Variants in ING4 observed in about 807,000 individuals in gnomAD.
The protein encoded by ING4 is inhibitor of growth protein 4.
In ING4, 28 loss-of-function variants were observed where a neutral mutation model predicts 33.1. That is an observed-to-expected ratio of 0.85 (90% CI 0.63 to 1.16). The LOEUF is 1.16. Among genes scored for constraint, ING4 ranks in the 50% most tolerant of loss-of-function variants. The pLI is 0.00. For synonymous variants in ING4, 87 were observed against 104.4 expected (o/e 0.83, Z 1.02); for missense variants, 247 against 314.7 (o/e 0.78, Z 1.63).
rs866088838 is a variant in ING4 at position 6,663,105 on chromosome 12, G to A, written c.-4C>T. On this transcript the variant is annotated 5_prime_UTR_variant, in exon 1 of 8. Transcript: ENST00000341550. ...CCAAATACATCCCCGCAGCCATCTCGAAGCAAAACAAAGCAACTTCCGATC... is the reference window on the plus strand; with the variant it reads ...CCAAATACATCCCCGCAGCCATCTCAAAGCAAAACAAAGCAACTTCCGATC... 12 of 1,613,936 alleles carry A rather than the reference G, an allele frequency of 7.4e-6. No homozygotes were observed. The highest frequency in any genetic ancestry group is 1.1e-5 in the South Asian group (1 of 91,086).
At chr12:6,662,986 C>G in intron 1 of ING4, 79 bp downstream of exon 1, 1 of 1,473,284 alleles carries the variant, frequency 6.8e-7, no homozygotes, top group Non-Finnish European at 9.4e-7. Context: ...GTCACTGGAA[C>G]TTAAGGGCTA....
chr12:6,660,725 C>T (rs1204539194), intron 1 of ING4, among the ~76,000 whole-genome samples: 2 of 152,224 alleles, frequency 1.3e-5, no homozygotes, highest in Admixed American at 6.5e-5. Context: ...GACTGAGTCA[C>T]TGGTGATTTA....
At chr12:6,651,428 A>T (rs1471726763) in intron 6 of ING4, 43 bp from the exon 7 acceptor site, 1 of 1,519,684 alleles carries the variant, frequency 6.6e-7, no homozygotes, top group Non-Finnish European at 9.1e-7. Context: ...AGGAAGGGCC[A>T]GAGGAAGGAG....
At chr12:6,656,523 G>A (rs925420864) in intron 2 of ING4, 6 of 485,496 alleles carry the variant, frequency 1.2e-5, no homozygotes, top group Middle Eastern at 5.3e-4. Flanking sequence ...TTCTTGAGGC[G>A]TTTTCACAAT....
Position 6,663,106 on chromosome 12 carries a change from A to C in ING4, c.-5T>G, listed in dbSNP as rs1259702875. The C allele has an allele frequency of 1.9e-6, 3 of 1,613,992 alleles. No homozygotes were observed. The highest frequency in any genetic ancestry group is 2.5e-6 in the Non-Finnish European group (3 of 1,180,026). ...CAAATACATCCCCGCAGCCATCTCG[A>C]AGCAAAACAAAGCAACTTCCGATCC... On this transcript the variant is annotated 5_prime_UTR_variant, in exon 1 of 8. Transcript: ENST00000341550.
intron 1 of ING4, among the ~76,000 whole-genome samples, chr12:6,658,648 T>C (rs1949449199): frequency 6.6e-6 from 1 of 152,090 alleles, no homozygotes. Context: ...ATCACGCCAA[T>C]GCACTCCAGC....
intron 1 of ING4, among the ~76,000 whole-genome samples, chr12:6,660,123 T>A (rs1404268807): frequency 6.6e-6 from 1 of 152,214 alleles, no homozygotes; most frequent in Non-Finnish European, 1.5e-5. Context: ...GTCACCCCAG[T>A]ACAAGAGAAA....
At chr12:6,654,041 T>A (rs1296518188) in intron 2 of ING4, among the ~76,000 whole-genome samples, 14 of 152,086 alleles carry the variant, frequency 9.2e-5, no homozygotes, top group Admixed American at 7.9e-4. Context: ...TTTTCCACGT[T>A]ACCCAGGCTG....
intron 1 of ING4, among the ~76,000 whole-genome samples, chr12:6,658,687 AAAAAACAAAAAC>A (rs932530365): frequency 6.6e-6 from 1 of 152,194 alleles, no homozygotes. Flanking sequence ...CACTGACTCA[AAAAAACAAAAAC>A]AAAAACAAAC....
In ING4 at chr12:6,650,771, A is replaced by C; in HGVS notation, c.*424T>G. 1 of 172,142 alleles carries C rather than the reference A, an allele frequency of 5.8e-6. No individual in the cohort carries two copies. The highest frequency in any genetic ancestry group is 1.3e-5 in the Non-Finnish European group (1 of 79,044). 10.7% of individuals were successfully genotyped at this position (172,142 alleles called of 1,614,324 possible). On this transcript the variant is annotated 3_prime_UTR_variant, in exon 8 of 8. Coordinates refer to ENST00000341550, the MANE Select transcript of ING4 (RefSeq NM_016162.4). ...CCACCATGAAAAAAGCAGGAAGGGAATGGAGAAGAAAAGTGTTGATCACAC... is the reference window on the plus strand; with the variant it reads ...CCACCATGAAAAAAGCAGGAAGGGACTGGAGAAGAAAAGTGTTGATCACAC...
chr12:6,657,250 C>T (rs1156525662), intron 1 of ING4, among the ~76,000 whole-genome samples: 1 of 151,984 alleles, frequency 6.6e-6, no homozygotes, highest in Non-Finnish European at 1.5e-5. Context: ...GAGATTGAGA[C>T]CATCCTGGCT....
chr12:6,659,733 C>A (rs946436443), intron 1 of ING4, among the ~76,000 whole-genome samples: 8 of 146,984 alleles, frequency 5.4e-5, no homozygotes, highest in Non-Finnish European at 1.0e-4. Flanking sequence ...GAGTGGCGTG[C>A]ATCCAGGAGG....
In ING4 at chr12:6,651,125, G is replaced by T; in HGVS notation, c.*70C>A. On this transcript the variant is annotated 3_prime_UTR_variant, in exon 8 of 8. Coordinates refer to ENST00000341550, the MANE Select transcript of ING4 (RefSeq NM_016162.4). Reference sequence around the variant, plus strand: ...TCCCTGAACCCCTGGCCCCAGCACAGGCATTCCTCTGCCCACTAGCCCAAG... The same window carrying T: ...TCCCTGAACCCCTGGCCCCAGCACATGCATTCCTCTGCCCACTAGCCCAAG... 2 of 1,549,452 alleles carry T rather than the reference G, an allele frequency of 1.3e-6. No homozygotes were observed. The highest frequency in any genetic ancestry group is 1.8e-6 in the Non-Finnish European group (2 of 1,122,218).
In ING4 at chr12:6,656,358, T is replaced by C. The variant is rs962571380; in HGVS notation, c.109+369A>G. 1.7e-5 allele frequency: 4 copies of C among 239,504 alleles called. No homozygotes were observed. The Admixed American group carries it at 1.8e-4, about 11-fold the overall frequency. The allele number at this position is 239,504 out of a possible 1,614,324, so 14.8% of individuals were successfully genotyped here. ...ACCTGGCTAGTTTTTGTATTTTTAG[T>C]AGAGATGGGGTTTCACCATGTGGCC... is the stretch of plus-strand genomic sequence containing the variant. On this transcript the variant is annotated intron_variant, in intron 2 of 7. Coordinates refer to ENST00000341550, the MANE Select transcript of ING4 (RefSeq NM_016162.4).
intron 2 of ING4, chr12:6,655,692 C>A: frequency 1.2e-6 from 1 of 817,988 alleles, no homozygotes. Context: ...TGATGTTCAC[C>A]TTTTCATGTG....
At chr12:6,662,225 C>T (rs569818025) in intron 1 of ING4, among the ~76,000 whole-genome samples, 4 of 152,196 alleles carry the variant, frequency 2.6e-5, no homozygotes, top group Admixed American at 6.5e-5. Context: ...ACATCACCTC[C>T]GCTGTAAAGC....
At position 6,663,079 on chromosome 12, in the gene ING4, T is replaced by A; in HGVS notation, c.23A>T (p.Glu8Val). 1 of 1,614,050 alleles carries A rather than the reference T, an allele frequency of 6.2e-7. No individual in the cohort carries two copies. Reference sequence around the variant, plus strand: ...CCTGCTCTTACTGTCCAGATAATGTTCCAAATACATCCCCGCAGCCATCTC... The same window carrying A: ...CCTGCTCTTACTGTCCAGATAATGTACCAAATACATCCCCGCAGCCATCTC... Reference protein sequence around the residue: MAAGMYLEHYLDSIENLP... With the variant: MAAGMYLVHYLDSIENLP... The change falls in exon 1 of 8, where the codon GAA becomes GTA. Residue 8 changes from glutamate to valine, a missense_variant. This residue lies in a region of ING4 where 198 missense variants were observed against 221.2 expected (regional missense o/e 0.89). Transcript: ENST00000341550.
In ING4 at chr12:6,656,812, A is replaced by T. The variant is rs199557258; in HGVS notation, c.38-14T>A. The T allele has an allele frequency of 3.3e-6, 5 of 1,509,430 alleles. No individual in the cohort carries two copies. Among genetic ancestry groups the T allele is most frequent in the Non-Finnish European group, 4.5e-6 (5 of 1,114,046 alleles). 93.5% of individuals were successfully genotyped at this position (1,509,430 alleles called of 1,614,324 possible). A position where few individuals can be genotyped will look rare whatever the true frequency, so the allele number is the denominator to read the frequency against. On this transcript the variant is annotated splice_polypyrimidine_tract_variant and intron_variant, in intron 1 of 7. Transcript: ENST00000341550. ...GGTTTTCAATACCTAGGGAAGAGAGAGAAACAATCACAGGACTGACTATGC... is the reference window on the plus strand; with the variant it reads ...GGTTTTCAATACCTAGGGAAGAGAGTGAAACAATCACAGGACTGACTATGC...
chr12:6,653,955 T>C (rs916132844), intron 2 of ING4, among the ~76,000 whole-genome samples: 8 of 152,060 alleles, frequency 5.3e-5, no homozygotes, highest in African/African-American at 1.9e-4. Context: ...CTCAACTTCC[T>C]GAGCTCTGGT....
Sources: gnomAD v4.1 joint callset for allele counts (sites outside exome capture counted in the v4.1 genomes callset) on GRCh38, gnomAD v4.1.1 for gene constraint, gnomAD v4.1.1 regional missense constraint, MANE v1.5 for transcripts, NCBI Gene and HGNC (gene_info 2026-07-23, HGNC 2026-07-21) for gene names.